RBFOX1: variants seen among roughly 807,000 people sequenced by gnomAD.
RBFOX1 encodes RNA binding protein fox-1 homolog 1.
In RBFOX1, 8 loss-of-function variants were observed where a neutral mutation model predicts 57.7. The observed-to-expected ratio is 0.14, with a 90% CI of 0.08 to 0.25. The LOEUF (loss-of-function observed/expected upper bound fraction) is 0.25, where lower values mean the gene tolerates loss of function less well. RBFOX1 is among the 10% of genes least tolerant of loss of function. RBFOX1 has a pLI of 1.00. For synonymous variants in RBFOX1, 326 were observed against 222.4 expected, an observed-to-expected ratio of 1.47 and a Z score of -4.15; for missense variants, 611 against 548.5, an observed-to-expected ratio of 1.11 and a Z score of -1.14.
In RBFOX1 at chr16:5,918,243, C is replaced by T. The variant is rs1288292502; in HGVS notation, c.351+50908C>T. 2.6e-5 allele frequency among the ~76,000 whole-genome samples: 4 copies of T among 152,174 alleles called. No individual in the cohort carries two copies. The East Asian group carries it at 7.7e-4, about 29-fold the overall frequency. Reference sequence around the variant, plus strand: ...CAAGTGATTCTCCTGCCTCAGCCTCCCGAGTAGCTGGGACTACAGGCAGCT... The same window carrying T: ...CAAGTGATTCTCCTGCCTCAGCCTCTCGAGTAGCTGGGACTACAGGCAGCT... On this transcript the variant is annotated intron_variant, in intron 4 of 19. Coordinates refer to the RBFOX1 transcript ENST00000641259.
At chr16:7,116,790 A>G (rs1257838157) in intron 4 of RBFOX1, among the ~76,000 whole-genome samples, 3 of 152,274 alleles carry the variant, frequency 2.0e-5, no homozygotes, top group South Asian at 2.1e-4. Flanking sequence ...GATGCCAGGC[A>G]TGGTGCTATG....
At chr16:5,404,431 G>T (rs970180054) in intron 1 of RBFOX1, among the ~76,000 whole-genome samples, 5 of 152,136 alleles carry the variant, frequency 3.3e-5, no homozygotes, top group African/African-American at 1.2e-4. Flanking sequence ...AATCTGAGAG[G>T]CCACTGTCAC....
intron 1 of RBFOX1, among the ~76,000 whole-genome samples, chr16:6,045,903 AAAGGCCCTG>A (rs2095490484): frequency 6.6e-6 from 1 of 152,228 alleles, no homozygotes; most frequent in Non-Finnish European, 1.5e-5. Context: ...AAAGCAGGGC[AAAGGCCCTG>A]AAGTAGGAAA....
At chr16:5,958,758 T>G (rs28670231) in intron 4 of RBFOX1, among the ~76,000 whole-genome samples, 48,886 of 151,990 alleles carry the variant, frequency 0.32, 8,090 homozygotes, top group Middle Eastern at 0.39. Flanking sequence ...TTCCTTGCCT[T>G]GTCTAGCTTC....
chr16:6,189,311 G>A (rs2097127310), intron 1 of RBFOX1, among the ~76,000 whole-genome samples: 1 of 152,236 alleles, frequency 6.6e-6, no homozygotes, highest in Admixed American at 6.5e-5. Flanking sequence ...GTCCGCATCA[G>A]GACACTGAGT....
At chr16:6,896,318 TTA>T (rs2066901659) in intron 3 of RBFOX1, among the ~76,000 whole-genome samples, 1 of 152,224 alleles carries the variant, frequency 6.6e-6, no homozygotes, top group Admixed American at 6.5e-5. Context: ...GTACACTCTT[TTA>T]GTTATTTTTA....
chr16:6,315,577 ATAGATG>A (rs2081011209), intron 1 of RBFOX1, among the ~76,000 whole-genome samples: 12 of 71,884 alleles, frequency 1.7e-4, no homozygotes, highest in Admixed American at 1.4e-3. Context: ...GGATGGATGG[ATAGATG>A]GATGGATGGA....
At chr16:5,802,359 C>T (rs994396666) in intron 3 of RBFOX1, among the ~76,000 whole-genome samples, 4 of 152,090 alleles carry the variant, frequency 2.6e-5, no homozygotes, top group Non-Finnish European at 4.4e-5. Flanking sequence ...AGCCAAGATG[C>T]GTGTGAGTCT....
At chr16:5,705,024 C>A (rs1487308509) in intron 3 of RBFOX1, among the ~76,000 whole-genome samples, 2 of 152,098 alleles carry the variant, frequency 1.3e-5, no homozygotes, top group African/African-American at 4.8e-5. Context: ...CCCTCCAGCC[C>A]ATTTTTGACC....
intron 14 of RBFOX1, among the ~76,000 whole-genome samples, chr16:7,690,502 A>T (rs1006982731): frequency 9.9e-5 from 15 of 152,058 alleles, no homozygotes; most frequent in Admixed American, 7.9e-4. Context: ...TAAGGAACAG[A>T]CCAGTTTGTG....
At chr16:7,574,565 G>T (rs1403253835) in intron 5 of RBFOX1, among the ~76,000 whole-genome samples, 1 of 152,120 alleles carries the variant, frequency 6.6e-6, no homozygotes, top group Non-Finnish European at 1.5e-5. Context: ...CATCCAGCAT[G>T]GGGGAGAGTT....
chr16:7,075,772 G>A (rs889978706), intron 4 of RBFOX1, among the ~76,000 whole-genome samples: 2 of 152,048 alleles, frequency 1.3e-5, no homozygotes, highest in African/African-American at 4.8e-5. Flanking sequence ...AGTAGAGACG[G>A]GATTTCACCG....
intron 4 of RBFOX1, chr16:5,867,360 C>G (rs1424285725): frequency 3.4e-6 from 4 of 1,172,252 alleles, no homozygotes; most frequent in African/African-American, 1.6e-5. Flanking sequence ...TTTTCTGTCC[C>G]TTTAGAAGAT....
At chr16:5,922,260 C>T (rs527982765) in intron 4 of RBFOX1, among the ~76,000 whole-genome samples, 2 of 152,286 alleles carry the variant, frequency 1.3e-5, no homozygotes, top group South Asian at 2.1e-4. Context: ...CATGAGGGAT[C>T]CATCCCCATG....
At chr16:7,481,182 G>A (rs1808283) in intron 4 of RBFOX1, among the ~76,000 whole-genome samples, 7,573 of 152,232 alleles carry the variant, frequency 0.05, 269 homozygotes, top group South Asian at 0.15. Flanking sequence ...ATTAGAAACT[G>A]AGTAACATAA....
intron 3 of RBFOX1, among the ~76,000 whole-genome samples, chr16:6,922,710 C>G (rs1249384295): frequency 5.3e-5 from 8 of 152,112 alleles, no homozygotes; most frequent in African/African-American, 1.7e-4. Context: ...TCCACCACTC[C>G]AAAAACTGGA....
In RBFOX1 at chr16:6,823,714, A is replaced by T. The variant is rs2091707129; in HGVS notation, c.-16+169064A>T. On this transcript the variant is annotated intron_variant, in intron 3 of 15. Transcript: ENST00000550418. Reference sequence around the variant, plus strand: ...TTTTCATTCATTTGTTCATTCATTCATTCAATATTTACCACCAATTGAAAT... The same window carrying T: ...TTTTCATTCATTTGTTCATTCATTCTTTCAATATTTACCACCAATTGAAAT... Among the ~76,000 whole-genome samples the T allele has an allele frequency of 2.0e-5, 3 of 152,220 alleles. No homozygotes were observed. The South Asian group carries it at 6.2e-4, about 32-fold the overall frequency.
chr16:7,449,767 T>C (rs1464233048), intron 4 of RBFOX1, among the ~76,000 whole-genome samples: 2 of 151,552 alleles, frequency 1.3e-5, no homozygotes, highest in Non-Finnish European at 2.9e-5. Flanking sequence ...TTTGTTTTTG[T>C]TTTTTTCACC....
intron 3 of RBFOX1, among the ~76,000 whole-genome samples, chr16:6,929,775 C>T (rs958242223): frequency 6.6e-6 from 1 of 152,022 alleles, no homozygotes; most frequent in African/African-American, 2.4e-5. Flanking sequence ...CAGGGAATAT[C>T]CTGTAGCTTT....
Sources: allele counts gnomAD v4.1 joint callset (sites outside exome capture counted in the v4.1 genomes callset), GRCh38; gene constraint gnomAD v4.1.1; transcripts MANE v1.5; gene names NCBI Gene and HGNC (gene_info 2026-07-23, HGNC 2026-07-21).